The following RNF8 variants were observed in gnomAD, a reference collection of about 807,000 sequenced individuals.
RNF8 encodes the protein ring finger protein 8.
RNF8 carries 8 observed loss-of-function variants against 59.3 expected under a neutral mutation model. The observed-to-expected ratio is 0.13, with a 90% CI of 0.08 to 0.24. The LOEUF (loss-of-function observed/expected upper bound fraction) is 0.24, where lower values mean the gene tolerates loss of function less well. Among genes scored for constraint, RNF8 ranks in the 10% least tolerant of loss-of-function variants. The pLI is 1.00. For missense variants in RNF8, 406 were observed against 572.6 expected, an observed-to-expected ratio of 0.71 and a Z score of 2.97; for synonymous variants, 162 against 200.0, an observed-to-expected ratio of 0.81 and a Z score of 1.60.
intron 1 of RNF8, among the ~76,000 whole-genome samples, chr6:37,355,785 T>C (rs1769091869): frequency 1.3e-5 from 2 of 152,240 alleles, no homozygotes; most frequent in African/African-American, 4.8e-5. Flanking sequence ...GCTTGAGCAC[T>C]GATCTTTCCC....
At chr6:37,374,968 T>C in intron 5 of RNF8, among the ~76,000 whole-genome samples, 1 of 152,246 alleles carries the variant, frequency 6.6e-6, no homozygotes, top group East Asian at 1.9e-4. Flanking sequence ...CTATGGTGGG[T>C]ACTCCTTCAG....
At chr6:37,362,805 A>G (rs189149657) in intron 2 of RNF8, among the ~76,000 whole-genome samples, 238 of 152,376 alleles carry the variant, frequency 1.6e-3, no homozygotes, top group African/African-American at 5.4e-3. Flanking sequence ...TGGAATGGCC[A>G]GAAAGTGAGA....
At chr6:37,361,035 A>G (rs1229575216) in intron 2 of RNF8, 3 of 350,990 alleles carry the variant, frequency 8.5e-6, no homozygotes, top group Non-Finnish European at 1.7e-5. Flanking sequence ...GGCCTTTAAA[A>G]CATGTTTTAA....
intron 2 of RNF8, among the ~76,000 whole-genome samples, chr6:37,364,111 G>A (rs1241874232): frequency 6.7e-6 from 1 of 149,924 alleles, no homozygotes. Context: ...CCTGGGAGGC[G>A]GAGCTTGCAG....
intron 4 of RNF8, among the ~76,000 whole-genome samples, chr6:37,374,042 C>G (rs1365331995): frequency 2.6e-5 from 4 of 152,300 alleles, no homozygotes; most frequent in African/African-American, 9.6e-5. Context: ...TGCCTTCTTC[C>G]AGAAAACACT....
intron 3 of RNF8, among the ~76,000 whole-genome samples, chr6:37,370,974 C>T (rs1041596375): frequency 5.9e-5 from 9 of 152,098 alleles, no homozygotes; most frequent in African/African-American, 2.2e-4. Context: ...GGTTAATGAT[C>T]ACCTGGAAAG....
At chr6:37,385,956 TC>T (rs1437271654) in intron 7 of RNF8, among the ~76,000 whole-genome samples, 12 of 151,194 alleles carry the variant, frequency 7.9e-5, no homozygotes, top group African/African-American at 2.7e-4. Flanking sequence ...TACCTCAGCC[TC>T]CCAAGTAGCT....
intron 7 of RNF8, among the ~76,000 whole-genome samples, chr6:37,387,507 A>ATT (rs970383282): frequency 2.0e-5 from 3 of 151,812 alleles, no homozygotes; most frequent in African/African-American, 4.8e-5. Flanking sequence ...TGCCTGGCTA[A>ATT]TTTTTTGTAT....
intron 2 of RNF8, among the ~76,000 whole-genome samples, chr6:37,361,028 C>G (rs1340521291): frequency 1.3e-5 from 2 of 152,116 alleles, no homozygotes; most frequent in African/African-American, 4.8e-5. Context: ...CTCCCCTGGC[C>G]TTTAAAACAT....
rs10667248 is a variant in RNF8, at chr6:37,388,935, T to TAAAAAAAAAA, written c.1442-1803_1442-1794dup. ...GCAAAAGAGCCAGACCCTATCTCTTTAAAAAAAAAAAAAGACATTACATGG... is the reference window on the plus strand; with the variant it reads ...GCAAAAGAGCCAGACCCTATCTCTTTAAAAAAAAAAAAAAAAAAAAAAAGACATTACATGG... On this transcript the variant is annotated intron_variant, in intron 7 of 7. Transcript: ENST00000373479. 6.6e-3 allele frequency among the ~76,000 whole-genome samples: 920 copies of TAAAAAAAAAA among 139,844 alleles called. 22 individuals are homozygous for TAAAAAAAAAA. The highest frequency in any genetic ancestry group is 0.022 in the African/African-American group (781 of 36,054). 91.7% of individuals were successfully genotyped at this position (139,844 alleles called of 152,430 possible).
chr6:37,367,501 T>C (rs1255182966), intron 2 of RNF8, among the ~76,000 whole-genome samples: 2 of 152,206 alleles, frequency 1.3e-5, no homozygotes, highest in East Asian at 3.8e-4. Context: ...CCGCCTGGGT[T>C]CTAGTAATTC....
At chr6:37,354,814 G>A (rs1769053030) in intron 1 of RNF8, among the ~76,000 whole-genome samples, 1 of 152,246 alleles carries the variant, frequency 6.6e-6, no homozygotes, top group Admixed American at 6.5e-5. Flanking sequence ...GAGCTGCCGG[G>A]AAGCCGAGGC....
rs1322544660 is a variant in RNF8 at position 37,393,464 on chromosome 6, T to G, written c.*2706T>G. 1.3e-5 allele frequency: 2 copies of G among 152,248 alleles called. No homozygotes were observed. The highest frequency in any genetic ancestry group is 2.9e-5 in the Non-Finnish European group (2 of 68,040). 9.4% of individuals were successfully genotyped at this position (152,248 alleles called of 1,614,324 possible). On this transcript the variant is annotated 3_prime_UTR_variant, in exon 8 of 8. Transcript: ENST00000373479. ...CCTAGAAAATACACGGTAACTTTTCTGCCTTGCAGCATCAAACTATAGTAC... is the reference window on the plus strand; with the variant it reads ...CCTAGAAAATACACGGTAACTTTTCGGCCTTGCAGCATCAAACTATAGTAC...
At chr6:37,366,019 C>T (rs935518479) in intron 2 of RNF8, among the ~76,000 whole-genome samples, 4 of 152,124 alleles carry the variant, frequency 2.6e-5, no homozygotes, top group Non-Finnish European at 4.4e-5. Context: ...TTTGAGTTTA[C>T]CTTCCAGCTT....
In RNF8 at chr6:37,360,623, CT is replaced by C. The variant is rs34469147; in HGVS notation, c.240+63del. 217,537 of 1,178,982 alleles carry C rather than the reference CT, an allele frequency of 0.18. 5,284 individuals are homozygous for C. The highest frequency in any genetic ancestry group is 0.47 in the African/African-American group (29,623 of 63,068). 73.0% of individuals were successfully genotyped at this position (1,178,982 alleles called of 1,614,324 possible). ...ATGACTTTTATTTGTTTTTAAATTA[CT>C]TTTTTTTTTTTTTGCATAGGTAATT... On this transcript the variant is annotated intron_variant, in intron 2 of 7. Transcript: ENST00000373479. The surrounding 1 kb of genome is among the most constrained non-coding windows in gnomAD (Gnocchi z 4.2).
Position 37,358,913 on chromosome 6 carries a change from A to G in RNF8, c.112-1533A>G, listed in dbSNP as rs531405572. 6.6e-5 allele frequency among the ~76,000 whole-genome samples: 10 copies of G among 152,236 alleles called. No individual in the cohort carries two copies. In the East Asian group the frequency reaches 1.9e-3, roughly 29 times the overall value. ...GGAGTTCGAGACCAGCCTGACCAAC[A>G]TGGTGAAACCCCGTCTCTACTAAAA... On this transcript the variant is annotated intron_variant, in intron 1 of 7. Coordinates refer to ENST00000373479, the MANE Select transcript of RNF8 (RefSeq NM_003958.4).
chr6:37,362,285 A>C (rs761446352), intron 2 of RNF8, among the ~76,000 whole-genome samples: 18 of 152,264 alleles, frequency 1.2e-4, no homozygotes, highest in African/African-American at 3.9e-4. Context: ...CAGCTGATCA[A>C]CTTCAGTGTT....
chr6:37,357,088 G>T (rs1041053318), intron 1 of RNF8, among the ~76,000 whole-genome samples: 1 of 152,180 alleles, frequency 6.6e-6, no homozygotes, highest in Non-Finnish European at 1.5e-5. Flanking sequence ...CAGGAGGAAA[G>T]AGATAGTCTT....
At chr6:37,370,207 C>A (rs1769746458) in intron 3 of RNF8, 1 of 152,166 alleles carries the variant, frequency 6.6e-6, no homozygotes, top group South Asian at 2.1e-4. Flanking sequence ...TTATAAATTT[C>A]ATTCTGATCT....
Sources: gnomAD v4.1 joint callset for allele counts (sites outside exome capture counted in the v4.1 genomes callset) on GRCh38, gnomAD v4.1.1 for gene constraint, Gnocchi (gnomAD v3.1) non-coding constraint, MANE v1.5 for transcripts, NCBI Gene and HGNC (gene_info 2026-07-23, HGNC 2026-07-21) for gene names.